TMCC1: variants seen among roughly 807,000 people sequenced by gnomAD.
TMCC1 encodes transmembrane and coiled-coil domains protein 1.
A neutral mutation model predicts 52.4 loss-of-function variants in TMCC1; 15 were observed. The observed-to-expected ratio is 0.29, with a 90% CI of 0.19 to 0.44. The LOEUF (loss-of-function observed/expected upper bound fraction) is 0.44, where lower values mean the gene tolerates loss of function less well. Among genes scored for constraint, TMCC1 ranks in the 20% least tolerant of loss-of-function variants. The pLI, the probability that TMCC1 is intolerant of heterozygous loss-of-function variation, is 1.00. For missense variants in TMCC1, 503 were observed against 806.0 expected (o/e 0.62, Z 4.55); for synonymous variants, 279 against 301.9 (o/e 0.92, Z 0.79).
intron 5 of TMCC1, among the ~76,000 whole-genome samples, chr3:129,670,107 A>G (rs1200418200): frequency 6.6e-6 from 1 of 152,244 alleles, no homozygotes; most frequent in Non-Finnish European, 1.5e-5. Context: ...TAGGTGAAAT[A>G]CTTTAGAAAG....
intron 4 of TMCC1, among the ~76,000 whole-genome samples, chr3:129,823,427 C>T (rs766444210): frequency 1.1e-4 from 17 of 152,102 alleles, no homozygotes; most frequent in Non-Finnish European, 1.8e-4. Flanking sequence ...CACCTATTAA[C>T]GCATAATGTA....
Position 129,655,001 on chromosome 3 carries a change from C to G in TMCC1, c.1614G>C (p.Ala538=). ...CCCGGGCCCGTTCATAGGACTGATACGCGATTTTTTCTTCCATGCTTGCCA... is the reference window on the plus strand; with the variant it reads ...CCCGGGCCCGTTCATAGGACTGATAGGCGATTTTTTCTTCCATGCTTGCCA... ...QELASMEEKI[A]YQSYERARDI... The change falls in exon 6 of 7, where the codon GCG becomes GCC. Residue 538 remains alanine, a synonymous_variant. Transcript: ENST00000393238. 2.5e-6 allele frequency: 4 copies of G among 1,614,040 alleles called. No homozygotes were observed. Among genetic ancestry groups the G allele is most frequent in the Non-Finnish European group, 3.4e-6 (4 of 1,180,018 alleles).
chr3:129,688,178 A>T, intron 4 of TMCC1: 1 of 985,426 alleles, frequency 1.0e-6, no homozygotes, highest in Non-Finnish European at 1.2e-6. Context: ...TTATCTTACC[A>T]AAACCCCCTG....
rs148142595 is a variant in TMCC1, at chr3:129,783,310, G to C, written c.576+44493C>G. Among the ~76,000 whole-genome samples, 7 of 152,292 alleles carry C rather than the reference G, an allele frequency of 4.6e-5. No homozygotes were observed. The East Asian group carries it at 1.3e-3, about 29-fold the overall frequency. ...TCTCATTAGGGTATTTCTAAATACTGATGTTTATGCAGGAGTCTAAATGAT... is the reference window on the plus strand; with the variant it reads ...TCTCATTAGGGTATTTCTAAATACTCATGTTTATGCAGGAGTCTAAATGAT... On this transcript the variant is annotated intron_variant, in intron 4 of 6. Transcript: ENST00000393238.
chr3:129,712,283 C>T (rs1452752073), intron 4 of TMCC1, among the ~76,000 whole-genome samples: 1 of 152,180 alleles, frequency 6.6e-6, no homozygotes, highest in Non-Finnish European at 1.5e-5. Context: ...TTTTGCAATA[C>T]ATGAGCTGTT....
chr3:129,666,912 T>G (rs1017010412), intron 5 of TMCC1, among the ~76,000 whole-genome samples: 44 of 151,614 alleles, frequency 2.9e-4, no homozygotes, highest in African/African-American at 1.0e-3. Context: ...TTTTTTAATT[T>G]TTTTTTTGAG....
intron 4 of TMCC1, among the ~76,000 whole-genome samples, chr3:129,803,335 CAG>C (rs1263969558): frequency 6.6e-6 from 1 of 151,858 alleles, no homozygotes; most frequent in Non-Finnish European, 1.5e-5. Flanking sequence ...GAAAGCAGAA[CAG>C]AGAGTGAGGG....
intron 4 of TMCC1, among the ~76,000 whole-genome samples, chr3:129,745,787 C>T (rs2051892466): frequency 6.6e-6 from 1 of 151,782 alleles, no homozygotes; most frequent in African/African-American, 2.4e-5. Context: ...CATGGTAAAA[C>T]CCCGTCTCTA....
chr3:129,734,582 C>T (rs935049765), intron 4 of TMCC1, among the ~76,000 whole-genome samples: 1 of 152,004 alleles, frequency 6.6e-6, no homozygotes, highest in Non-Finnish European at 1.5e-5. Flanking sequence ...CTACTTGAGG[C>T]TGAGGTGGGA....
chr3:129,813,985 A>AC (rs1560473531), intron 4 of TMCC1, among the ~76,000 whole-genome samples: 1 of 145,858 alleles, frequency 6.9e-6, no homozygotes, highest in Non-Finnish European at 1.5e-5. Flanking sequence ...CTTTTTCCTT[A>AC]TTTTTTTTTT....
chr3:129,841,385 G>A (rs1239041154), intron 2 of TMCC1, among the ~76,000 whole-genome samples: 2 of 152,150 alleles, frequency 1.3e-5, no homozygotes, highest in African/African-American at 4.8e-5. Context: ...TCAGAAGTTC[G>A]AGACCAATCT....
chr3:129,657,736 T>C (rs542565555), intron 5 of TMCC1, among the ~76,000 whole-genome samples: 22 of 152,284 alleles, frequency 1.4e-4, no homozygotes, highest in African/African-American at 3.6e-4. Context: ...TAAAAAATTA[T>C]GAACCTACAA....
At chr3:129,755,567 A>C (rs913338343) in intron 4 of TMCC1, among the ~76,000 whole-genome samples, 1 of 152,242 alleles carries the variant, frequency 6.6e-6, no homozygotes, top group African/African-American at 2.4e-5. Context: ...AAAACAATAT[A>C]ATTTAAAATG....
At chr3:129,774,974 G>C (rs1243093695) in intron 4 of TMCC1, among the ~76,000 whole-genome samples, 1 of 152,138 alleles carries the variant, frequency 6.6e-6, no homozygotes, top group Non-Finnish European at 1.5e-5. Flanking sequence ...CATCCAGAAT[G>C]AATTAGACAG....
intron 4 of TMCC1, among the ~76,000 whole-genome samples, chr3:129,824,751 T>C (rs2058583907): frequency 6.6e-6 from 1 of 152,178 alleles, no homozygotes; most frequent in Admixed American, 6.5e-5. Flanking sequence ...TAAAGGCCTA[T>C]AAGACATTCT....
chr3:129,766,918 G>A (rs903972994), intron 4 of TMCC1, among the ~76,000 whole-genome samples: 5 of 151,296 alleles, frequency 3.3e-5, no homozygotes, highest in African/African-American at 9.7e-5. Context: ...CGTGCCCAGC[G>A]CTATTTAAAT....
intron 2 of TMCC1, among the ~76,000 whole-genome samples, chr3:129,874,495 C>T (rs1408729828): frequency 1.3e-5 from 2 of 152,026 alleles, no homozygotes; most frequent in African/African-American, 4.8e-5. Flanking sequence ...ACTGCTTAAG[C>T]CCAGGAGTTC....
intron 4 of TMCC1, among the ~76,000 whole-genome samples, chr3:129,751,154 T>A (rs1039042669): frequency 1.3e-5 from 2 of 151,774 alleles, no homozygotes; most frequent in African/African-American, 2.4e-5. Flanking sequence ...TGAGCTGAGA[T>A]CCTGCCACTG....
At chr3:129,863,375 G>A (rs1351523903) in intron 2 of TMCC1, among the ~76,000 whole-genome samples, 2 of 152,146 alleles carry the variant, frequency 1.3e-5, no homozygotes, top group Non-Finnish European at 2.9e-5. Context: ...GCATGGAGAA[G>A]TAAAGCAGTT....
Sources: allele counts gnomAD v4.1 joint callset (sites outside exome capture counted in the v4.1 genomes callset), GRCh38; gene constraint gnomAD v4.1.1; transcripts MANE v1.5; gene names NCBI Gene and HGNC (gene_info 2026-07-23, HGNC 2026-07-21).